Variants in FNDC1 observed in about 807,000 individuals in gnomAD.
The protein encoded by FNDC1 is fibronectin type III domain-containing protein 1.
Under a neutral mutation model 168.0 loss-of-function variants are expected in FNDC1, and 96 were observed. The ratio of observed to expected loss-of-function variants is 0.57; its 90% CI spans 0.48 to 0.68. The LOEUF (loss-of-function observed/expected upper bound fraction) is 0.68. FNDC1 is among the 30% of genes least tolerant of loss of function. FNDC1 has a pLI of 0.00. For synonymous variants in FNDC1, 1,099 were observed against 1,025.9 expected (o/e 1.07, Z -1.36); for missense variants, 2,587 against 2,482.1 (o/e 1.04, Z -0.90).
chr6:159,224,124 T>A (rs1161673981), intron 7 of FNDC1, among the ~76,000 whole-genome samples: 1 of 152,236 alleles, frequency 6.6e-6, no homozygotes, highest in Non-Finnish European at 1.5e-5. Context: ...TAGACTTTGC[T>A]GAACACTGAC....
In FNDC1 at chr6:159,233,275, G is replaced by A. The variant is rs776074375; in HGVS notation, c.2763G>A (p.Arg921=). ...CGCAGAGAGGGGCCAGCCTGCATCG[G>A]AAGGAACCCATCCCAGAGAACCCCA... ...RSPQRGASLH[R]KEPIPENPKS... The change falls in exon 11 of 23, where the codon CGG becomes CGA. Residue 921 remains arginine, a synonymous_variant. Transcript: ENST00000297267. The surrounding 1 kb of genome is among the most constrained non-coding windows in gnomAD (Gnocchi z 4.6). 32 of 1,613,834 alleles carry A rather than the reference G, an allele frequency of 2.0e-5. No homozygotes were observed. The highest frequency in any genetic ancestry group is 5.0e-5 in the Admixed American group (3 of 60,000).
Position 159,240,933 on chromosome 6 carries a change from T to G in FNDC1, c.4621+976T>G, listed in dbSNP as rs181083025. 2.6e-5 allele frequency: 4 copies of G among 152,358 alleles called. No individual in the cohort carries two copies. The East Asian group carries it at 7.7e-4, about 29-fold the overall frequency. 9.4% of individuals were successfully genotyped at this position (152,358 alleles called of 1,614,324 possible). ...AGATGTTTCCTTTCAGGAATCAAGC[T>G]GGAATTCTTATGCAACGTTATTGAC... On this transcript the variant is annotated intron_variant, in intron 14 of 22. Transcript: ENST00000297267.
intron 14 of FNDC1, among the ~76,000 whole-genome samples, chr6:159,244,843 C>T (rs1783504456): frequency 6.6e-6 from 1 of 152,170 alleles, no homozygotes; most frequent in Admixed American, 6.5e-5. Flanking sequence ...TGTAAATCCT[C>T]CCAGAGCCTT....
intron 22 of FNDC1, among the ~76,000 whole-genome samples, chr6:159,269,439 A>G (rs1342331683): frequency 7.2e-6 from 1 of 139,198 alleles, no homozygotes; most frequent in African/African-American, 2.6e-5. Flanking sequence ...GTATCCATCC[A>G]TTATCTACCT....
Position 159,232,566 on chromosome 6 carries a change from G to C in FNDC1, c.2054G>C (p.Ser685Thr). Residue 685 changes from serine (S) to threonine (T), a missense_variant, in exon 11 of 23, where the codon AGC (serine) becomes ACC (threonine). Physicochemically the swap from Ser to Thr is moderately conservative, Grantham distance 58 (BLOSUM62 1). Coordinates refer to ENST00000297267, the MANE Select transcript of FNDC1 (RefSeq NM_032532.3). The surrounding 1 kb of genome is among the most constrained non-coding windows in gnomAD (Gnocchi z 4.9). ...CCGTCCAGCGTTCTCCGCGACAGAA[G>C]CTCTGTGCACCCCGGCGCAAAGCCA... ...QSPSSVLRDRSSVHPGAKPAS... is the reference protein window; with the variant it reads ...QSPSSVLRDRTSVHPGAKPAS... 6 of 1,611,366 alleles carry C rather than the reference G, an allele frequency of 3.7e-6. No individual in the cohort carries two copies. Among genetic ancestry groups the C allele is most frequent in the Non-Finnish European group, 5.1e-6 (6 of 1,178,554 alleles).
Position 159,232,813 on chromosome 6 carries a change from C to G in FNDC1, c.2301C>G (p.Val767=), listed in dbSNP as rs753750835. 1.9e-6 allele frequency: 3 copies of G among 1,614,006 alleles called. No homozygotes were observed. In the South Asian group the frequency reaches 3.3e-5, roughly 18 times the overall value. ...CACGGTCCACCATGTCCTCCTCCGT[C>G]TCTTCTCATCTCTCGTCCAGGACGC... The part of the protein sequence containing the change: ...APSRSTMSSS[V]SSHLSSRTQV... Residue 767 remains valine, a synonymous_variant, in exon 11 of 23, where the codon GTC becomes GTG. Coordinates refer to ENST00000297267, the MANE Select transcript of FNDC1 (RefSeq NM_032532.3). The surrounding 1 kb of genome is among the most constrained non-coding windows in gnomAD (Gnocchi z 4.9).
intron 18 of FNDC1, among the ~76,000 whole-genome samples, chr6:159,258,547 G>A (rs1279458366): frequency 6.6e-6 from 1 of 152,186 alleles, no homozygotes; most frequent in Non-Finnish European, 1.5e-5. Flanking sequence ...GGCCGATTGG[G>A]AGGAAGGGTG....
chr6:159,198,178 G>A (rs889862487), intron 2 of FNDC1, among the ~76,000 whole-genome samples: 3 of 152,184 alleles, frequency 2.0e-5, no homozygotes, highest in African/African-American at 7.2e-5. Context: ...AGATGTAGTT[G>A]GTTTTGGGCT....
intron 1 of FNDC1, among the ~76,000 whole-genome samples, chr6:159,182,314 G>T (rs1040579333): frequency 6.6e-5 from 10 of 152,196 alleles, no homozygotes; most frequent in Non-Finnish European, 1.3e-4. Context: ...TTTCATTACA[G>T]GAAACAATTC....
intron 14 of FNDC1, 132 bp from the exon 15 acceptor site, chr6:159,246,769 A>T: frequency 1.6e-6 from 1 of 632,516 alleles, no homozygotes; most frequent in Non-Finnish European, 2.8e-6. Context: ...AAAATTATGG[A>T]GACCCTGGCC....
intron 18 of FNDC1, among the ~76,000 whole-genome samples, chr6:159,258,185 T>A (rs1236679539): frequency 6.6e-6 from 1 of 152,170 alleles, no homozygotes; most frequent in Non-Finnish European, 1.5e-5. Flanking sequence ...ATTCAGTCAG[T>A]CCTTACTACA....
At position 159,221,447 on chromosome 6, in the gene FNDC1, A is replaced by G. The variant is rs551733388; in HGVS notation, c.668-151A>G. 69 of 632,802 alleles carry G rather than the reference A, an allele frequency of 1.1e-4. No homozygotes were observed. The African/African-American group carries it at 1.3e-3, about 12-fold the overall frequency. 39.2% of individuals were successfully genotyped at this position (632,802 alleles called of 1,614,324 possible). Reference sequence around the variant, plus strand: ...CCTGCAGTTCTTGGGCTCGCCCTTCATAGTCCTCAAGAAGTGGGAATACCC... The same window carrying G: ...CCTGCAGTTCTTGGGCTCGCCCTTCGTAGTCCTCAAGAAGTGGGAATACCC... On this transcript the variant is annotated intron_variant, in intron 5 of 22. Transcript: ENST00000297267.
At chr6:159,216,090 T>C (rs979252165) in intron 5 of FNDC1, among the ~76,000 whole-genome samples, 1 of 152,074 alleles carries the variant, frequency 6.6e-6, no homozygotes, top group African/African-American at 2.4e-5. Flanking sequence ...GCCTCCCGAG[T>C]AGCTGGGACT....
At position 159,233,921 on chromosome 6, in the gene FNDC1, A is replaced by G; in HGVS notation, c.3409A>G (p.Arg1137Gly). 3.2e-6 allele frequency: 5 copies of G among 1,550,160 alleles called. No homozygotes were observed. The highest frequency in any genetic ancestry group is 4.4e-6 in the Non-Finnish European group (5 of 1,146,722). ...SQRGHAASPA[R>G]PSRPGGPQSR... is the part of the protein sequence containing the mutation. Reference sequence around the variant, plus strand: ...GCGCGGACATGCGGCCTCCCCCGCCAGGCCCAGCCGACCCGGCGGCCCCCA... The same window carrying G: ...GCGCGGACATGCGGCCTCCCCCGCCGGGCCCAGCCGACCCGGCGGCCCCCA... The change falls in exon 11 of 23, where the codon AGG (arginine) becomes GGG (glycine). Residue 1137 changes from arginine to glycine, a missense_variant. Arg to Gly is a moderately radical substitution (Grantham distance 125). Coordinates refer to ENST00000297267, the MANE Select transcript of FNDC1 (RefSeq NM_032532.3). This position sits in a 1 kb window ranked among gnomAD's most constrained non-coding sequence, Gnocchi z 4.6.
At chr6:159,184,589 A>G (rs937357989) in intron 1 of FNDC1, among the ~76,000 whole-genome samples, 5 of 152,264 alleles carry the variant, frequency 3.3e-5, no homozygotes, top group South Asian at 4.1e-4. Flanking sequence ...ACCTCTCCAG[A>G]ACCTTTGCTT....
rs267600881 is a variant in FNDC1 at position 159,234,254 on chromosome 6, C to T, written c.3742C>T (p.Pro1248Ser). 6.3e-7 allele frequency: 1 copy of T among 1,592,052 alleles called. No homozygotes were observed. Among genetic ancestry groups the T allele is most frequent in the Non-Finnish European group, 8.6e-7 (1 of 1,169,284 alleles). Reference protein sequence around the residue: ...APVKRPLPPPPGSSPRASHVP... With the variant: ...APVKRPLPPPSGSSPRASHVP... ...TGTGAAGCGACCTCTCCCCCCACCT[C>T]CAGGCAGCTCCCCCAGGGCCTCCCA... Residue 1248 changes from proline to serine, a missense_variant, in exon 11 of 23, where the codon CCA (proline) becomes TCA (serine). Coordinates refer to ENST00000297267, the MANE Select transcript of FNDC1 (RefSeq NM_032532.3).
intron 4 of FNDC1, among the ~76,000 whole-genome samples, chr6:159,213,070 T>G (rs888055466): frequency 6.6e-6 from 1 of 152,218 alleles, no homozygotes; most frequent in African/African-American, 2.4e-5. Flanking sequence ...GAGAGCTTGC[T>G]GCAGAGCGAA....
intron 22 of FNDC1, among the ~76,000 whole-genome samples, chr6:159,269,559 C>T (rs61502664): frequency 1.3e-5 from 2 of 149,564 alleles, no homozygotes; most frequent in African/African-American, 4.9e-5. Context: ...TCCATCCATC[C>T]ATCCATCCAT....
In FNDC1 at chr6:159,232,686, G is replaced by A; in HGVS notation, c.2174G>A (p.Gly725Glu). 6.2e-7 allele frequency: 1 copy of A among 1,613,900 alleles called. No homozygotes were observed. Among genetic ancestry groups the A allele is most frequent in the Non-Finnish European group, 8.5e-7 (1 of 1,179,860 alleles). Residue 725 changes from glycine to glutamate, a missense_variant, in exon 11 of 23, where the codon GGA (glycine) becomes GAA (glutamate). Gly to Glu is a moderately conservative substitution (Grantham distance 98). Coordinates refer to ENST00000297267, the MANE Select transcript of FNDC1 (RefSeq NM_032532.3). This position sits in a 1 kb window ranked among gnomAD's most constrained non-coding sequence, Gnocchi z 4.9. ...PPSRLSPPHG[G>E]SSRLLPTQPH... The stretch of plus-strand genomic sequence containing the variant: ...TCAAGACTTTCTCCACCCCATGGGG[G>A]ATCATCTCGGCTGCTGCCCACCCAG...
Sources: gnomAD v4.1 joint callset for allele counts (sites outside exome capture counted in the v4.1 genomes callset) on GRCh38, gnomAD v4.1.1 for gene constraint, Gnocchi (gnomAD v3.1) non-coding constraint, MANE v1.5 for transcripts, NCBI Gene and HGNC (gene_info 2026-07-23, HGNC 2026-07-21) for gene names.